Variants in HTR2C observed in about 807,000 individuals in gnomAD.
HTR2C encodes 5-hydroxytryptamine receptor 2C.
HTR2C carries 5 observed loss-of-function variants against 21.0 expected under a neutral mutation model. The observed-to-expected ratio is 0.24, with a 90% confidence interval of 0.12 to 0.50. HTR2C has a LOEUF of 0.50. Among genes scored for constraint, HTR2C ranks in the 20% least tolerant of loss-of-function variants. The probability of loss-of-function intolerance (pLI) is 0.98; values close to 1 mark genes in which losing one functional copy is unlikely to be tolerated. For synonymous variants in HTR2C, 150 were observed against 145.3 expected, an observed-to-expected ratio of 1.03 and a Z score of -0.23; for missense variants, 271 against 371.2, an observed-to-expected ratio of 0.73 and a Z score of 2.22.
At position 114,805,625 on chromosome X, in the gene HTR2C, C is replaced by CA. The variant is rs1436268755; in HGVS notation, c.350-42378_350-42377insA. ...CATATATATACACATCATATATATA[C>CA]CATATATATACCATATATATACACC... On this transcript the variant is annotated intron_variant, in intron 4 of 5. Transcript: ENST00000276198. Among the ~76,000 whole-genome samples, 152 of 15,653 alleles carry CA rather than the reference C, an allele frequency of 9.7e-3. 25 individuals are homozygous for CA. Among genetic ancestry groups the CA allele is most frequent in the African/African-American group, 0.028 (145 of 5,177 alleles). The allele number at this position is 15,653 out of a possible 115,157, so 13.6% of individuals were successfully genotyped here. A position where few individuals can be genotyped will look rare whatever the true frequency, so the allele number is the denominator to read the frequency against.
intron 4 of HTR2C, among the ~76,000 whole-genome samples, chrX:114,826,553 A>G (rs1375221586): frequency 2.7e-5 from 3 of 111,988 alleles, no homozygotes; most frequent in African/African-American, 9.7e-5. Flanking sequence ...CTTGAGTTCC[A>G]TCCCCAACAT....
chrX:114,763,185 C>G lies in HTR2C; in HGVS notation c.349+31578C>G, dbSNP rs1424582408. The G allele has an allele frequency of 5.6e-5, 7 of 125,541 alleles. No individual in the cohort carries two copies. The Admixed American group carries it at 6.7e-4, about 12-fold the overall frequency. The allele number at this position is 125,541 out of a possible 1,213,427, so 10.3% of individuals were successfully genotyped here. On this transcript the variant is annotated intron_variant, in intron 4 of 5. Coordinates refer to ENST00000276198, the MANE Select transcript of HTR2C (RefSeq NM_000868.4). ...CACTGGGTATCCATCATCATTTGCT[C>G]GGCATCTGCTGAGTACCGCCATGTC...
intron 5 of HTR2C, among the ~76,000 whole-genome samples, chrX:114,861,235 A>G (rs2147501500): frequency 9.0e-6 from 1 of 110,622 alleles, no homozygotes; most frequent in African/African-American, 3.3e-5. Context: ...GTATATTTCA[A>G]TTTTTCTTTA....
At chrX:114,693,253 G>A (rs1039406935) in intron 2 of HTR2C, among the ~76,000 whole-genome samples, 1 of 111,135 alleles carries the variant, frequency 9.0e-6, no homozygotes, top group Non-Finnish European at 1.9e-5. Flanking sequence ...AAAGAGATAC[G>A]GAAGAAGGAT....
intron 5 of HTR2C, among the ~76,000 whole-genome samples, chrX:114,858,884 T>A (rs1166001692): frequency 9.0e-6 from 1 of 111,201 alleles, no homozygotes; most frequent in Non-Finnish European, 1.9e-5. Context: ...ATCATAAATA[T>A]GTGTAACTTT....
intron 2 of HTR2C, among the ~76,000 whole-genome samples, chrX:114,665,930 A>G (rs1180560533): frequency 8.9e-6 from 1 of 111,893 alleles, no homozygotes; most frequent in Non-Finnish European, 1.9e-5. Context: ...AGTTGCTGAT[A>G]TGTCTTCTTT....
intron 2 of HTR2C, among the ~76,000 whole-genome samples, chrX:114,701,330 A>T (rs1255457246): frequency 1.8e-5 from 2 of 111,344 alleles, no homozygotes; most frequent in East Asian, 5.7e-4. Flanking sequence ...GCAGACTGAC[A>T]CCTCACATGG....
chrX:114,645,559 ATAAAGT>A (rs1287727274), intron 2 of HTR2C, among the ~76,000 whole-genome samples: 1 of 111,449 alleles, frequency 9.0e-6, no homozygotes, highest in African/African-American at 3.3e-5. Flanking sequence ...AGCATAAAGG[ATAAAGT>A]TAAAGGGAGA....
intron 2 of HTR2C, among the ~76,000 whole-genome samples, chrX:114,725,335 C>T (rs1556421647): frequency 2.7e-5 from 3 of 111,861 alleles, no homozygotes; most frequent in Admixed American, 1.9e-4. Context: ...GCATTCTTCA[C>T]GTAGTTCTTG....
At position 114,819,735 on chromosome X, in the gene HTR2C, T is replaced by C. The variant is rs145914590; in HGVS notation, c.350-28268T>C. 4.4e-5 allele frequency among the ~76,000 whole-genome samples: 5 copies of C among 112,655 alleles called. No homozygotes were observed. In the East Asian group the frequency reaches 1.1e-3, roughly 25 times the overall value. On this transcript the variant is annotated intron_variant, in intron 4 of 5. Coordinates refer to ENST00000276198, the MANE Select transcript of HTR2C (RefSeq NM_000868.4). The stretch of plus-strand genomic sequence containing the variant: ...TCTTGTCCAGTCAGAGCTGTAGTTA[T>C]AGCTTGTGGAACACGGGCTGAGGAT...
At chrX:114,858,861 CTG>C (rs1410680208) in intron 5 of HTR2C, among the ~76,000 whole-genome samples, 1 of 109,687 alleles carries the variant, frequency 9.1e-6, no homozygotes, top group African/African-American at 3.3e-5. Context: ...TCTATATTTT[CTG>C]TGTCTTTTTT....
intron 4 of HTR2C, among the ~76,000 whole-genome samples, chrX:114,763,865 C>T (rs1211051298): frequency 1.8e-5 from 2 of 111,603 alleles, no homozygotes; most frequent in Non-Finnish European, 3.8e-5. Flanking sequence ...CCCAATATCA[C>T]TTTTCCCTTT....
chrX:114,779,377 C>A (rs991957713), intron 4 of HTR2C, among the ~76,000 whole-genome samples: 10 of 104,953 alleles, frequency 9.5e-5, no homozygotes, highest in African/African-American at 3.5e-4. Flanking sequence ...AAGAAGACTT[C>A]TTTCCCCCTT....
intron 2 of HTR2C, among the ~76,000 whole-genome samples, chrX:114,720,003 T>A (rs1236899985): frequency 3.6e-5 from 4 of 111,799 alleles, no homozygotes; most frequent in African/African-American, 1.3e-4. Flanking sequence ...TTTTAATACT[T>A]TTAGCATAAG....
intron 3 of HTR2C, among the ~76,000 whole-genome samples, chrX:114,728,687 TA>T (rs1400456613): frequency 3.6e-5 from 4 of 110,576 alleles, no homozygotes; most frequent in Admixed American, 9.7e-5. Context: ...ATTCTTTTAT[TA>T]AAAAAAAATT....
At chrX:114,774,017 G>A (rs1388375701) in intron 4 of HTR2C, among the ~76,000 whole-genome samples, 1 of 111,636 alleles carries the variant, frequency 9.0e-6, no homozygotes, top group African/African-American at 3.3e-5. Context: ...ATTATAACCC[G>A]TGGGTCAAAC....
chrX:114,806,741 CATATATATACACCAT>C (rs1328316173), intron 4 of HTR2C, among the ~76,000 whole-genome samples: 4 of 80,054 alleles, frequency 5.0e-5, no homozygotes, highest in Non-Finnish European at 7.2e-5. Flanking sequence ...ATATACACAC[CATATATATACACCAT>C]ATATATACAC....
chrX:114,653,622 T>C (rs1930670946), intron 2 of HTR2C, among the ~76,000 whole-genome samples: 1 of 110,676 alleles, frequency 9.0e-6, no homozygotes. Flanking sequence ...TTATGTGCAT[T>C]CTCCTCCTAT....
At chrX:114,604,471 G>T (rs189414407) in intron 1 of HTR2C, among the ~76,000 whole-genome samples, 78 of 109,097 alleles carry the variant, frequency 7.1e-4, no homozygotes, top group African/African-American at 2.4e-3. Context: ...TGATTAAGAA[G>T]GTAATCACTT....
Sources: gnomAD v4.1 joint callset for allele counts (sites outside exome capture counted in the v4.1 genomes callset) on GRCh38, gnomAD v4.1.1 for gene constraint, MANE v1.5 for transcripts, NCBI Gene and HGNC (gene_info 2026-07-23, HGNC 2026-07-21) for gene names.